Variants in ZNF18 observed in about 807,000 individuals in gnomAD.
ZNF18 encodes heart development-specific gene 1 protein.
Under a neutral mutation model 58.1 loss-of-function variants are expected in ZNF18, and 42 were observed. The ratio of observed to expected loss-of-function variants is 0.72; its 90% CI spans 0.56 to 0.93. The LOEUF is 0.93. ZNF18 is among the 40% of genes least tolerant of loss of function. The pLI is 0.00. For missense variants in ZNF18, 540 were observed against 644.2 expected, an observed-to-expected ratio of 0.84 and a Z score of 1.75; for synonymous variants, 231 against 239.8, an observed-to-expected ratio of 0.96 and a Z score of 0.34.
rs1364745395 is a variant in ZNF18 at position 11,992,510 on chromosome 17, C to T, written c.320G>A (p.Gly107Glu). The T allele has an allele frequency of 1.9e-6, 3 of 1,614,116 alleles. No homozygotes were observed. In the Admixed American group the frequency reaches 5.0e-5, roughly 27 times the overall value. Residue 107 changes from glycine (G) to glutamate (E), a missense_variant, in exon 2 of 7, where the codon GGA (glycine) becomes GAA (glutamate). Gly to Glu is a moderately conservative substitution (Grantham distance 98, BLOSUM62 -2). Transcript: ENST00000580306. ...AAGGGTCACTGCCTCTTCTCCACTT[C>T]CTGGACACTGTTTCCGCACCCACAT... ...IQMWVRKQCP[G>E]SGEEAVTLVE...
intron 1 of ZNF18, among the ~76,000 whole-genome samples, chr17:11,996,326 GC>G (rs1177397245): frequency 1.3e-5 from 2 of 152,198 alleles, no homozygotes; most frequent in East Asian, 3.9e-4. Context: ...CAAATAACAA[GC>G]GGCAAGATTT....
chr17:11,994,878 C>G (rs2151488182), intron 1 of ZNF18, among the ~76,000 whole-genome samples: 1 of 152,094 alleles, frequency 6.6e-6, no homozygotes, highest in Non-Finnish European at 1.5e-5. Flanking sequence ...GGAAGAGAAA[C>G]TACATTTACT....
At chr17:12,011,015 A>C in the ZNF18 span, 1 of 749,352 alleles carries the variant, frequency 1.3e-6, no homozygotes, top group Non-Finnish European at 2.4e-6. Flanking sequence ...TGCCAACAGC[A>C]TGCTGGGGAA....
chr17:11,984,035 C>G (rs559930656), intron 5 of ZNF18, 78 bp downstream of exon 5: 18 of 1,363,242 alleles, frequency 1.3e-5, no homozygotes, highest in Non-Finnish European at 1.8e-5. Context: ...CAGCAGATGT[C>G]TCTATAAGTG....
At chr17:11,985,768 G>A (rs915762493) in intron 4 of ZNF18, among the ~76,000 whole-genome samples, 2 of 152,168 alleles carry the variant, frequency 1.3e-5, no homozygotes, top group Non-Finnish European at 1.5e-5. Flanking sequence ...GTCCTCAGTA[G>A]ATAATATATA....
upstream of ZNF18, among the ~76,000 whole-genome samples, chr17:12,002,033 G>A (rs1311949889): frequency 3.9e-5 from 6 of 152,078 alleles, no homozygotes; most frequent in Non-Finnish European, 7.4e-5. Context: ...AAGAAAGAAA[G>A]AAAGGATGAA....
chr17:11,991,522 G>A (rs1304099271), intron 2 of ZNF18, among the ~76,000 whole-genome samples: 1 of 152,230 alleles, frequency 6.6e-6, no homozygotes, highest in Non-Finnish European at 1.5e-5. Context: ...GCTAAAGAGT[G>A]TTGAGAGTCA....
At chr17:11,982,333 A>C (rs1967413494) in intron 6 of ZNF18, among the ~76,000 whole-genome samples, 1 of 152,102 alleles carries the variant, frequency 6.6e-6, no homozygotes, top group Admixed American at 6.5e-5. Flanking sequence ...CCACCCCTAC[A>C]TCTGATATTT....
At chr17:12,009,709 T>C in the ZNF18 span, among the ~76,000 whole-genome samples, 1 of 152,008 alleles carries the variant, frequency 6.6e-6, no homozygotes, top group Non-Finnish European at 1.5e-5. Flanking sequence ...CGCCTCAGCC[T>C]CCCAAAGTGC....
At chr17:11,997,381 G>C (rs1356155348) in intron 1 of ZNF18, 50 bp downstream of exon 1, 1 of 152,264 alleles carries the variant, frequency 6.6e-6, no homozygotes, top group Non-Finnish European at 1.5e-5. Context: ...ATAGCGCAAG[G>C]CCTGACCCCG....
At chr17:11,987,936 T>C (rs925481683) in intron 4 of ZNF18, among the ~76,000 whole-genome samples, 4 of 152,208 alleles carry the variant, frequency 2.6e-5, no homozygotes, top group Admixed American at 6.5e-5. Flanking sequence ...GACCCTGGTC[T>C]GAAACACAGC....
chr17:12,015,141 G>A, the ZNF18 span, among the ~76,000 whole-genome samples: 2 of 152,132 alleles, frequency 1.3e-5, no homozygotes, highest in Non-Finnish European at 2.9e-5. Context: ...TAAACACAAT[G>A]AAACAAAACA....
chr17:12,020,938 A>T, the ZNF18 span: 1 of 1,161,828 alleles, frequency 8.6e-7, no homozygotes, highest in Non-Finnish European at 1.1e-6. Flanking sequence ...CGGCAGCGGC[A>T]GCGGCACCCC....
the ZNF18 span, among the ~76,000 whole-genome samples, chr17:12,020,235 A>T: frequency 2.0e-5 from 3 of 152,176 alleles, no homozygotes; most frequent in Admixed American, 6.5e-5. Context: ...ATGCTTCTCA[A>T]ATTTAATGGG....
upstream of ZNF18, among the ~76,000 whole-genome samples, chr17:12,001,809 T>A (rs552168779): frequency 1.5e-4 from 23 of 152,114 alleles, no homozygotes; most frequent in South Asian, 4.6e-3. Flanking sequence ...AAATATATAA[T>A]TATTATTCAT....
At chr17:12,015,805 T>C in the ZNF18 span, among the ~76,000 whole-genome samples, 1 of 152,202 alleles carries the variant, frequency 6.6e-6, no homozygotes, top group Admixed American at 6.5e-5. Context: ...CTTTTTTTTT[T>C]TGAGACAGAG....
upstream of ZNF18, among the ~76,000 whole-genome samples, chr17:12,000,171 T>G (rs1968631251): frequency 6.6e-6 from 1 of 152,066 alleles, no homozygotes; most frequent in Non-Finnish European, 1.5e-5. Context: ...TCCACCCACC[T>G]CAGTCTCCCA....
In ZNF18 at chr17:11,977,927, A is replaced by G. The variant is rs768159359; in HGVS notation, c.*30T>C. The G allele has an allele frequency of 6.5e-7, 1 of 1,530,638 alleles. No individual in the cohort carries two copies. The highest frequency in any genetic ancestry group is 8.8e-7 in the Non-Finnish European group (1 of 1,142,192). 94.8% of individuals were successfully genotyped at this position (1,530,638 alleles called of 1,614,324 possible). ...TATTTTTGTGACTGGGCTGGGAGAT[A>G]GAAATGGGGAAAGAGAGTTTGGTTA... On this transcript the variant is annotated 3_prime_UTR_variant, in exon 7 of 7. Coordinates refer to ENST00000580306, the MANE Select transcript of ZNF18 (RefSeq NM_001303281.2).
chr17:11,983,749 C>T (rs1446025932), intron 5 of ZNF18, among the ~76,000 whole-genome samples: 1 of 151,680 alleles, frequency 6.6e-6, no homozygotes, highest in Admixed American at 6.6e-5. Flanking sequence ...GAACCAGCCA[C>T]AGCTGAGTTC....
Sources: allele counts gnomAD v4.1 joint callset (sites outside exome capture counted in the v4.1 genomes callset), GRCh38; gene constraint gnomAD v4.1.1; transcripts MANE v1.5; gene names NCBI Gene and HGNC (gene_info 2026-07-23, HGNC 2026-07-21).